APBB2: variants seen among roughly 807,000 people sequenced by gnomAD.
The protein encoded by APBB2 is Fe65-like 1.
Under a neutral mutation model 82.5 loss-of-function variants are expected in APBB2, and 38 were observed. That is an observed-to-expected ratio of 0.46 (90% CI 0.36 to 0.60). The LOEUF (loss-of-function observed/expected upper bound fraction) is 0.60. Among genes scored for constraint, APBB2 ranks in the 20% least tolerant of loss-of-function variants. APBB2 has a pLI of 0.00. For synonymous variants in APBB2, 341 were observed against 368.2 expected, an observed-to-expected ratio of 0.93 and a Z score of 0.85; for missense variants, 772 against 972.3, an observed-to-expected ratio of 0.79 and a Z score of 2.74.
chr4:41,029,019 G>A (rs563939678), intron 5 of APBB2, among the ~76,000 whole-genome samples: 7 of 152,228 alleles, frequency 4.6e-5, no homozygotes, highest in South Asian at 4.1e-4. Flanking sequence ...CTTTACTCCC[G>A]CGACATGCTT....
intron 1 of APBB2, among the ~76,000 whole-genome samples, chr4:41,176,722 A>G (rs369443835): frequency 1.3e-4 from 20 of 152,188 alleles, no homozygotes; most frequent in East Asian, 7.7e-4. Flanking sequence ...TAAGAAAAAG[A>G]AGCAAAACAA....
At chr4:41,112,014 T>C (rs1252684898) in intron 2 of APBB2, among the ~76,000 whole-genome samples, 1 of 152,042 alleles carries the variant, frequency 6.6e-6, no homozygotes, top group Non-Finnish European at 1.5e-5. Context: ...CACAGGAAAG[T>C]TGAAACAGAT....
In APBB2 at chr4:41,174,216, T is replaced by C. The variant is rs187386829; in HGVS notation, c.-416-31074A>G. Among the ~76,000 whole-genome samples the C allele has an allele frequency of 5.3e-5, 8 of 152,250 alleles. No homozygotes were observed. In the East Asian group the frequency reaches 1.5e-3, roughly 29 times the overall value. On this transcript the variant is annotated intron_variant, in intron 1 of 17. Transcript: ENST00000508593. The stretch of plus-strand genomic sequence containing the variant: ...TCAACTACTGAGATTTCTTAAGAGA[T>C]AACTAAGCAGACTTCTATTGGCCTC...
At chr4:40,915,072 A>G (rs956664567) in intron 10 of APBB2, among the ~76,000 whole-genome samples, 3 of 152,064 alleles carry the variant, frequency 2.0e-5, no homozygotes, top group African/African-American at 7.3e-5. Context: ...GCTGTGAAAT[A>G]CCTCTCAAAC....
At chr4:41,036,522 A>G (rs1161673977) in intron 4 of APBB2, among the ~76,000 whole-genome samples, 1 of 152,196 alleles carries the variant, frequency 6.6e-6, no homozygotes, top group African/African-American at 2.4e-5. Context: ...GAGTAAAAAC[A>G]CATTTACCGT....
intron 10 of APBB2, among the ~76,000 whole-genome samples, chr4:40,898,824 AAAAAG>A (rs992980504): frequency 1.4e-5 from 2 of 144,722 alleles, no homozygotes; most frequent in African/African-American, 5.1e-5. Flanking sequence ...ATCTCAAAAA[AAAAAG>A]AAAGAAAAAA....
chr4:40,987,384 A>G (rs1478770959), intron 6 of APBB2, among the ~76,000 whole-genome samples: 2 of 152,202 alleles, frequency 1.3e-5, no homozygotes, highest in African/African-American at 4.8e-5. Context: ...AAGTTACACA[A>G]TCATCAGCGG....
chr4:40,851,668 C>A lies in APBB2; in HGVS notation c.1530-21091G>T, dbSNP rs113553530. Among the ~76,000 whole-genome samples the A allele has an allele frequency of 6.2e-3, 939 of 150,664 alleles. 13 individuals carry two copies. The highest frequency in any genetic ancestry group is 0.019 in the African/African-American group (781 of 40,756). ...GGCTGGAAGCTCAAGTCACTCCTGC[C>A]CTTTCCCATCTGCTGAAAATACTGA... On this transcript the variant is annotated intron_variant, in intron 12 of 17. Transcript: ENST00000508593.
rs576326730 is a variant in APBB2 at position 40,951,499 on chromosome 4, G to A, written c.836-6426C>T. Among the ~76,000 whole-genome samples, 6 of 152,360 alleles carry A rather than the reference G, an allele frequency of 3.9e-5. No homozygotes were observed. In the East Asian group the frequency reaches 9.6e-4, roughly 24 times the overall value. On this transcript the variant is annotated intron_variant, in intron 6 of 17. Coordinates refer to ENST00000508593, the MANE Select transcript of APBB2 (RefSeq NM_004307.2). The stretch of plus-strand genomic sequence containing the variant: ...AGGAGAGTCTGCGAAGACGCGATAC[G>A]GCTCAGTGCAGCCATGGCTTGGTGC...
At chr4:41,168,133 G>C (rs1767181748) in intron 1 of APBB2, among the ~76,000 whole-genome samples, 1 of 151,988 alleles carries the variant, frequency 6.6e-6, no homozygotes, top group South Asian at 2.1e-4. Context: ...GCCGGGCGTG[G>C]TGGCAGGTGC....
In APBB2 at chr4:40,860,176, T is replaced by G. The variant is rs527640751; in HGVS notation, c.1530-29599A>C. Among the ~76,000 whole-genome samples, 6 of 152,328 alleles carry G rather than the reference T, an allele frequency of 3.9e-5. No homozygotes were observed. In the South Asian group the frequency reaches 1.2e-3, roughly 32 times the overall value. ...CTGAAGAGAGCCTCTGCCTTCAGCT[T>G]CTGGGAGGTAAACTCTAACACCTTG... On this transcript the variant is annotated intron_variant, in intron 12 of 17. Transcript: ENST00000508593.
intron 6 of APBB2, chr4:40,990,116 C>G (rs188613001): frequency 7.2e-5 from 11 of 152,298 alleles, no homozygotes; most frequent in Non-Finnish European, 1.2e-4. Flanking sequence ...TATATACAGA[C>G]AGTGGAATAT....
chr4:40,997,245 G>A lies in APBB2; in HGVS notation c.835+16338C>T, dbSNP rs1047761260. ...TCCCATCTCCTCAGCTGCAGCACCCGATTAAAGCCTTCTTACTTGGCAATA... is the reference window on the plus strand; with the variant it reads ...TCCCATCTCCTCAGCTGCAGCACCCAATTAAAGCCTTCTTACTTGGCAATA... On this transcript the variant is annotated intron_variant, in intron 6 of 17. Coordinates refer to ENST00000508593, the MANE Select transcript of APBB2 (RefSeq NM_004307.2). 1.2e-4 allele frequency among the ~76,000 whole-genome samples: 18 copies of A among 152,204 alleles called. No individual in the cohort carries two copies. The South Asian group carries it at 1.2e-3, about 11-fold the overall frequency.
At chr4:40,909,033 C>T (rs1199467192) in intron 10 of APBB2, among the ~76,000 whole-genome samples, 1 of 152,184 alleles carries the variant, frequency 6.6e-6, no homozygotes, top group East Asian at 1.9e-4. Context: ...CTCTTAGGTC[C>T]AGGGGCAACC....
At chr4:41,115,826 A>G (rs1750792241) in intron 2 of APBB2, among the ~76,000 whole-genome samples, 1 of 152,204 alleles carries the variant, frequency 6.6e-6, no homozygotes, top group Non-Finnish European at 1.5e-5. Context: ...CAGATACTAG[A>G]GAGGATGTGG....
chr4:41,179,372 T>A (rs1770717514), intron 1 of APBB2, among the ~76,000 whole-genome samples: 1 of 152,172 alleles, frequency 6.6e-6, no homozygotes, highest in Admixed American at 6.5e-5. Context: ...TATATCAATT[T>A]AAAAATATGT....
Position 40,840,690 on chromosome 4 carries a change from G to C in APBB2, c.1530-10113C>G, listed in dbSNP as rs550805553. ...TGGGTAAACACACAGGCTTAGCAGG[G>C]AATTCTTCACCAGGCACGCTCATGA... is the stretch of plus-strand genomic sequence containing the variant. On this transcript the variant is annotated intron_variant, in intron 12 of 17. Transcript: ENST00000508593. Among the ~76,000 whole-genome samples the C allele has an allele frequency of 2.6e-5, 4 of 152,232 alleles. No individual in the cohort carries two copies. The East Asian group carries it at 7.7e-4, about 29-fold the overall frequency.
At chr4:41,102,826 A>G (rs1350555056) in intron 2 of APBB2, among the ~76,000 whole-genome samples, 1 of 152,228 alleles carries the variant, frequency 6.6e-6, no homozygotes, top group East Asian at 1.9e-4. Flanking sequence ...CTATTTATGT[A>G]TTTAACCATT....
At chr4:40,868,182 A>T (rs922278739) in intron 12 of APBB2, among the ~76,000 whole-genome samples, 1 of 152,196 alleles carries the variant, frequency 6.6e-6, no homozygotes, top group Non-Finnish European at 1.5e-5. Flanking sequence ...GTCCACAGAC[A>T]GAATTAGTGT....
Sources: allele counts gnomAD v4.1 joint callset (sites outside exome capture counted in the v4.1 genomes callset), GRCh38; gene constraint gnomAD v4.1.1; transcripts MANE v1.5; gene names NCBI Gene and HGNC (gene_info 2026-07-23, HGNC 2026-07-21).